CLNK: variants seen among roughly 807,000 people sequenced by gnomAD.
The protein encoded by CLNK is cytokine dependent hematopoietic cell linker.
A neutral mutation model predicts 68.6 loss-of-function variants in CLNK; 74 were observed. That is an observed-to-expected ratio of 1.08 (90% CI 0.89 to 1.31). The LOEUF is 1.31. Among genes scored for constraint, CLNK ranks in the 50% most tolerant of loss-of-function variants. The pLI is 0.00. For missense variants in CLNK, 553 were observed against 515.3 expected, an observed-to-expected ratio of 1.07 and a Z score of -0.71; for synonymous variants, 198 against 172.2, an observed-to-expected ratio of 1.15 and a Z score of -1.17.
At chr4:10,603,877 G>A (rs1721687401) in intron 2 of CLNK, among the ~76,000 whole-genome samples, 1 of 152,194 alleles carries the variant, frequency 6.6e-6, no homozygotes, top group African/African-American at 2.4e-5. Context: ...CTTGGATTCT[G>A]ACTCTTTTAT....
intron 8 of CLNK, among the ~76,000 whole-genome samples, chr4:10,544,090 T>C (rs1257968502): frequency 6.6e-6 from 1 of 152,234 alleles, no homozygotes; most frequent in Admixed American, 6.5e-5. Flanking sequence ...CCTGTGTTGA[T>C]GACTTTCCCT....
chr4:10,573,034 G>T (rs560856044), intron 4 of CLNK, among the ~76,000 whole-genome samples: 2 of 152,036 alleles, frequency 1.3e-5, no homozygotes, highest in African/African-American at 4.8e-5. Flanking sequence ...TCACTATGTT[G>T]GCCAGGCTAT....
chr4:10,524,076 AAG>A (rs1184982111), intron 14 of CLNK: 1 of 179,554 alleles, frequency 5.6e-6, no homozygotes, highest in Admixed American at 8.2e-5. Context: ...GAAAGAAAGA[AAG>A]AAAAGAGAAG....
At chr4:10,589,111 A>C (rs1416282233) in intron 3 of CLNK, among the ~76,000 whole-genome samples, 1 of 152,240 alleles carries the variant, frequency 6.6e-6, no homozygotes, top group African/African-American at 2.4e-5. Context: ...ATACACACTT[A>C]ATCATAATAA....
chr4:10,687,479 A>G (rs1725308954), upstream of CLNK, among the ~76,000 whole-genome samples: 1 of 152,094 alleles, frequency 6.6e-6, no homozygotes, highest in Non-Finnish European at 1.5e-5. Flanking sequence ...GAAGGAAGGA[A>G]GGAAGAAACA....
chr4:10,637,946 C>T (rs1313872620), intron 2 of CLNK, among the ~76,000 whole-genome samples: 1 of 152,084 alleles, frequency 6.6e-6, no homozygotes, highest in Admixed American at 6.5e-5. Flanking sequence ...TAAAGAGTCC[C>T]TTAAACACAT....
the CLNK span, among the ~76,000 whole-genome samples, chr4:10,714,717 T>C: frequency 7.9e-5 from 12 of 151,682 alleles, no homozygotes; most frequent in Admixed American, 6.6e-4. Context: ...TGTGTGCGTG[T>C]GAGTAGCTTA....
chr4:10,696,149 C>A, the CLNK span, among the ~76,000 whole-genome samples: 1 of 152,184 alleles, frequency 6.6e-6, no homozygotes, highest in Non-Finnish European at 1.5e-5. Flanking sequence ...AGCCACTGCA[C>A]CCAGCCCAGA....
At chr4:10,533,877 A>G (rs151305684) in intron 11 of CLNK, among the ~76,000 whole-genome samples, 2 of 152,308 alleles carry the variant, frequency 1.3e-5, no homozygotes, top group South Asian at 2.1e-4. Flanking sequence ...AATTTTCTAT[A>G]TTTATACATT....
At chr4:10,733,691 G>T in the CLNK span, among the ~76,000 whole-genome samples, 1 of 152,330 alleles carries the variant, frequency 6.6e-6, no homozygotes, top group East Asian at 1.9e-4. Flanking sequence ...CAGGCACCAT[G>T]CTGTCCATCT....
chr4:10,593,476 G>A (rs900838279), intron 3 of CLNK, among the ~76,000 whole-genome samples: 1 of 152,066 alleles, frequency 6.6e-6, no homozygotes, highest in Non-Finnish European at 1.5e-5. Context: ...CTAATATGGC[G>A]AAACCCCATC....
At chr4:10,619,268 A>G (rs976278179) in intron 2 of CLNK, among the ~76,000 whole-genome samples, 1 of 152,196 alleles carries the variant, frequency 6.6e-6, no homozygotes, top group African/African-American at 2.4e-5. Context: ...ACGCTAAATT[A>G]GAGGTAAGCA....
rs941751939 is a variant in CLNK at position 10,487,894 on chromosome 4, C to T, written c.*2573G>A. ...CATACCCATACTTCTGTTTCTTCTCCCTTTTATCTTTCTCAAACATTAACC... is the reference window on the plus strand; with the variant it reads ...CATACCCATACTTCTGTTTCTTCTCTCTTTTATCTTTCTCAAACATTAACC... On this transcript the variant is annotated 3_prime_UTR_variant, in exon 19 of 19. Transcript: ENST00000226951. 1.3e-5 allele frequency: 2 copies of T among 152,136 alleles called. No individual in the cohort carries two copies. The highest frequency in any genetic ancestry group is 4.8e-5 in the African/African-American group (2 of 41,434). The allele number at this position is 152,136 out of a possible 1,614,324, so 9.4% of individuals were successfully genotyped here. A position where few individuals can be genotyped will look rare whatever the true frequency, so the allele number is the denominator to read the frequency against.
intron 6 of CLNK, 47 bp from the exon 7 acceptor site, chr4:10,564,824 C>T (rs754320428): frequency 8.9e-7 from 1 of 1,127,776 alleles, no homozygotes; most frequent in African/African-American, 1.5e-5. Flanking sequence ...GTGGACTCAG[C>T]ACATTACAAT....
intron 3 of CLNK, among the ~76,000 whole-genome samples, chr4:10,587,988 G>T (rs965013169): frequency 6.6e-6 from 1 of 152,140 alleles, no homozygotes. Flanking sequence ...TTTATCGACG[G>T]CCTGAGTGCT....
At chr4:10,689,129 C>G (rs1326877517), upstream of CLNK, among the ~76,000 whole-genome samples, 1 of 151,592 alleles carries the variant, frequency 6.6e-6, no homozygotes, top group African/African-American at 2.4e-5. Flanking sequence ...CTTTTCCTTT[C>G]TTTCTTTCTT....
intron 17 of CLNK, among the ~76,000 whole-genome samples, chr4:10,507,317 G>A (rs1346359293): frequency 1.3e-5 from 2 of 151,644 alleles, no homozygotes; most frequent in Admixed American, 6.6e-5. Context: ...TCACCATGTT[G>A]GCCAGGCTGG....
chr4:10,702,751 C>G, the CLNK span, among the ~76,000 whole-genome samples: 230 of 152,294 alleles, frequency 1.5e-3, no homozygotes, highest in Middle Eastern at 3.4e-3. Flanking sequence ...AGTTATCAGC[C>G]TTAAATGAAT....
chr4:10,558,193 A>G (rs4698070), intron 8 of CLNK, among the ~76,000 whole-genome samples: 66,434 of 151,964 alleles, frequency 0.44, 14,661 homozygotes, highest in East Asian at 0.59. Context: ...ACGAATTTTT[A>G]CAATCAATTT....
Sources: allele counts gnomAD v4.1 joint callset (sites outside exome capture counted in the v4.1 genomes callset), GRCh38; gene constraint gnomAD v4.1.1; transcripts MANE v1.5; gene names NCBI Gene and HGNC (gene_info 2026-07-23, HGNC 2026-07-21).